Variants in ENTPD1 observed in about 807,000 individuals in gnomAD.
ENTPD1 encodes the protein ectonucleoside triphosphate diphosphohydrolase 1, also known as ATP diphosphohydrolase.
Under a neutral mutation model 57.0 loss-of-function variants are expected in ENTPD1, and 33 were observed. The observed-to-expected ratio is 0.58, with a 90% CI of 0.44 to 0.77. The LOEUF (loss-of-function observed/expected upper bound fraction) is 0.77. Ranked by LOEUF, ENTPD1 falls within the 30% of genes least tolerant of loss-of-function variation. The pLI is 0.00. For missense variants in ENTPD1, 501 were observed against 603.4 expected, an observed-to-expected ratio of 0.83 and a Z score of 1.78; for synonymous variants, 202 against 218.8, an observed-to-expected ratio of 0.92 and a Z score of 0.68.
chr10:95,758,285 C>CTG, intron 1 of ENTPD1, among the ~76,000 whole-genome samples: 3 of 152,304 alleles, frequency 2.0e-5, no homozygotes, highest in Non-Finnish European at 4.4e-5. Context: ...CCACCATTTA[C>CTG]TGTGTGCCTT....
At chr10:95,779,962 G>A (rs1279162705) in intron 1 of ENTPD1, among the ~76,000 whole-genome samples, 1 of 152,096 alleles carries the variant, frequency 6.6e-6, no homozygotes, top group Non-Finnish European at 1.5e-5. Context: ...GGTGTGGCTA[G>A]TTCGATACAA....
chr10:95,697,900 A>G, the ENTPD1 span, among the ~76,000 whole-genome samples: 1 of 152,232 alleles, frequency 6.6e-6, no homozygotes, highest in Non-Finnish European at 1.5e-5. Flanking sequence ...AAAATGGGGA[A>G]GCAGCTTTGG....
intron 1 of ENTPD1, among the ~76,000 whole-genome samples, chr10:95,764,283 A>T (rs1273097717): frequency 1.3e-5 from 2 of 152,166 alleles, no homozygotes; most frequent in Non-Finnish European, 2.9e-5. Flanking sequence ...ACCACATTTT[A>T]TTCATCAGTT....
Position 95,785,546 on chromosome 10 carries a change from A to G in ENTPD1, c.16+29291A>G, listed in dbSNP as rs541098724. Among the ~76,000 whole-genome samples the G allele has an allele frequency of 1.0e-3, 159 of 152,322 alleles. 1 individual carries two copies. Among genetic ancestry groups the G allele is most frequent in the South Asian group, 1.7e-3 (8 of 4,828 alleles). On this transcript the variant is annotated intron_variant, in intron 1 of 9. Coordinates refer to ENST00000371205, the MANE Select transcript of ENTPD1 (RefSeq NM_001776.6). ...GGACACAAGGTTGGCCACAAAACCA[A>G]CCCAGCAACTTATGAAGCAGAAACC...
intron 7 of ENTPD1, among the ~76,000 whole-genome samples, chr10:95,850,847 T>C (rs1415224058): frequency 6.6e-6 from 1 of 152,240 alleles, no homozygotes; most frequent in African/African-American, 2.4e-5. Flanking sequence ...ATTCCCATTC[T>C]TTCCAGAACT....
rs545953062 is a variant in ENTPD1, at chr10:95,867,860, C to T, written c.*1477C>T. ...CCCTATCTCTTGAATGATCAAGTCA[C>T]TTTTGACAACATCCAGGTGAATATA... On this transcript the variant is annotated 3_prime_UTR_variant, in exon 10 of 10. Transcript: ENST00000371205. 2.0e-6 allele frequency: 2 copies of T among 985,454 alleles called. No homozygotes were observed. The highest frequency in any genetic ancestry group is 3.5e-5 in the African/African-American group (2 of 57,362). The allele number at this position is 985,454 out of a possible 1,614,324, so 61.0% of individuals were successfully genotyped here.
chr10:95,744,711 T>C (rs956073801), intron 1 of ENTPD1, among the ~76,000 whole-genome samples: 1 of 152,182 alleles, frequency 6.6e-6, no homozygotes, highest in African/African-American at 2.4e-5. Context: ...AGTTCCATTA[T>C]TTTGTCAGAA....
At chr10:95,811,630 T>C (rs1160395565) in intron 1 of ENTPD1, among the ~76,000 whole-genome samples, 1 of 152,144 alleles carries the variant, frequency 6.6e-6, no homozygotes, top group Non-Finnish European at 1.5e-5. Flanking sequence ...GCTCAAGTGA[T>C]TATTCTGCCT....
At chr10:95,714,814 C>T (rs1259262237) in intron 1 of ENTPD1, among the ~76,000 whole-genome samples, 1 of 151,866 alleles carries the variant, frequency 6.6e-6, no homozygotes, top group African/African-American at 2.4e-5. Context: ...AAAACTACAA[C>T]AGCAGCAGCA....
At chr10:95,716,222 T>C (rs1426625165) in intron 1 of ENTPD1, among the ~76,000 whole-genome samples, 1 of 152,218 alleles carries the variant, frequency 6.6e-6, no homozygotes, top group Non-Finnish European at 1.5e-5. Flanking sequence ...GGGATTTTTA[T>C]TTTTCTTGAA....
At chr10:95,765,032 T>C (rs528209516) in intron 1 of ENTPD1, among the ~76,000 whole-genome samples, 24 of 152,252 alleles carry the variant, frequency 1.6e-4, no homozygotes, top group Admixed American at 4.6e-4. Flanking sequence ...TCTTTGCCCA[T>C]TTTTTAAATG....
chr10:95,709,924 T>A (rs1030028905), upstream of ENTPD1, among the ~76,000 whole-genome samples: 10 of 151,570 alleles, frequency 6.6e-5, no homozygotes, highest in African/African-American at 2.2e-4. Flanking sequence ...TACAGGCATG[T>A]GCCACCACGC....
upstream of ENTPD1, among the ~76,000 whole-genome samples, chr10:95,708,274 C>T (rs910001247): frequency 2.6e-5 from 4 of 151,364 alleles, no homozygotes; most frequent in Admixed American, 6.6e-5. Context: ...AGTGCAGTGC[C>T]GTGACCTCGG....
intron 1 of ENTPD1, among the ~76,000 whole-genome samples, chr10:95,714,835 A>G (rs1218004399): frequency 6.6e-6 from 1 of 152,180 alleles, no homozygotes; most frequent in Non-Finnish European, 1.5e-5. Flanking sequence ...ACAACAGTTT[A>G]AGAATAAGAT....
the ENTPD1 span, among the ~76,000 whole-genome samples, chr10:95,695,988 G>T: frequency 6.6e-6 from 1 of 152,008 alleles, no homozygotes; most frequent in Non-Finnish European, 1.5e-5. Context: ...TTGTACATCT[G>T]ATCAGAGACT....
At chr10:95,848,698 C>G (rs1276541639) in intron 7 of ENTPD1, among the ~76,000 whole-genome samples, 1 of 152,212 alleles carries the variant, frequency 6.6e-6, no homozygotes, top group African/African-American at 2.4e-5. Flanking sequence ...GCACACATCT[C>G]TTGCACACAC....
intron 1 of ENTPD1, among the ~76,000 whole-genome samples, chr10:95,731,781 C>CTTTTTTTTTTTTTTTTGTTTT (rs2097989403): frequency 1.3e-5 from 1 of 79,180 alleles, no homozygotes; most frequent in Non-Finnish European, 2.3e-5. Context: ...AGTGGACATC[C>CTTTTTTTTTTTTTTTTGTTTT]TTTTTTTTTT....
At chr10:95,752,874 C>T (rs913911777), upstream of ENTPD1, among the ~76,000 whole-genome samples, 5 of 152,080 alleles carry the variant, frequency 3.3e-5, no homozygotes, top group African/African-American at 4.8e-5. Context: ...TTTTTAAGTA[C>T]ATTCACATTG....
rs2098483630 is a variant in ENTPD1 at position 95,874,394 on chromosome 10, C to A, written c.*8011C>A. Among the ~76,000 whole-genome samples the A allele has an allele frequency of 6.6e-6, 1 of 152,236 alleles. No individual in the cohort carries two copies. Among genetic ancestry groups the A allele is most frequent in the African/African-American group, 2.4e-5 (1 of 41,450 alleles). On this transcript the variant is annotated 3_prime_UTR_variant, in exon 10 of 10. Transcript: ENST00000371205. Reference sequence around the variant, plus strand: ...TGATCTCCTTTGACTCCATGTCTCACATTCAGGTCATGCTGATGCAAGAGA... The same window carrying A: ...TGATCTCCTTTGACTCCATGTCTCAAATTCAGGTCATGCTGATGCAAGAGA...
Sources: allele counts gnomAD v4.1 joint callset (sites outside exome capture counted in the v4.1 genomes callset), GRCh38; gene constraint gnomAD v4.1.1; transcripts MANE v1.5; gene names NCBI Gene and HGNC (gene_info 2026-07-23, HGNC 2026-07-21).